Variants in SULF1 observed in about 807,000 individuals in gnomAD.
SULF1 encodes the protein extracellular sulfatase Sulf-1.
Under a neutral mutation model 110.5 loss-of-function variants are expected in SULF1, and 46 were observed. The observed-to-expected ratio is 0.42, with a 90% CI of 0.33 to 0.53. The LOEUF is 0.53. SULF1 is among the 20% of genes least tolerant of loss of function. The probability of loss-of-function intolerance (pLI) is 0.12; values close to 1 mark genes in which losing one functional copy is unlikely to be tolerated. For missense variants in SULF1, 941 were observed against 1,094.2 expected, an observed-to-expected ratio of 0.86 and a Z score of 1.98; for synonymous variants, 371 against 387.1, an observed-to-expected ratio of 0.96 and a Z score of 0.49.
chr8:69,554,812 T>C (rs1586387169), intron 3 of SULF1, among the ~76,000 whole-genome samples: 1 of 151,872 alleles, frequency 6.6e-6, no homozygotes, highest in Middle Eastern at 3.4e-3. Context: ...ACCCCGTCTT[T>C]ACTGAAAATA....
chr8:69,484,886 C>T (rs1288795606), intron 1 of SULF1, among the ~76,000 whole-genome samples: 6 of 146,644 alleles, frequency 4.1e-5, no homozygotes, highest in South Asian at 2.1e-4. Context: ...TCCTCCTCTT[C>T]GAGACAGGAG....
intron 13 of SULF1, among the ~76,000 whole-genome samples, chr8:69,613,976 T>C (rs983660699): frequency 5.9e-5 from 9 of 151,740 alleles, no homozygotes; most frequent in African/African-American, 2.2e-4. Flanking sequence ...AAAAAAATAA[T>C]AAAATTAAGG....
At chr8:69,507,257 A>T (rs553351377) in intron 3 of SULF1, among the ~76,000 whole-genome samples, 1 of 152,366 alleles carries the variant, frequency 6.6e-6, no homozygotes, top group Non-Finnish European at 1.5e-5. Flanking sequence ...TACTGAAATT[A>T]ACATGGAATA....
chr8:69,648,136 T>C (rs1487339695), intron 22 of SULF1, among the ~76,000 whole-genome samples: 2 of 141,220 alleles, frequency 1.4e-5, no homozygotes, highest in Non-Finnish European at 1.5e-5. Flanking sequence ...CCCTGTGCCT[T>C]CAGAAAAAAA....
chr8:69,575,795 A>C (rs1805568710), intron 5 of SULF1, among the ~76,000 whole-genome samples, 175 bp from the exon 6 acceptor site: 1 of 152,160 alleles, frequency 6.6e-6, no homozygotes. Flanking sequence ...TTGAGATGGT[A>C]GGATCTCAAA....
chr8:69,564,935 C>T (rs1013994243), intron 5 of SULF1, among the ~76,000 whole-genome samples: 1 of 152,236 alleles, frequency 6.6e-6, no homozygotes, highest in African/African-American at 2.4e-5. Flanking sequence ...ATTCCTTGCT[C>T]TCAGGCATCA....
intron 1 of SULF1, among the ~76,000 whole-genome samples, chr8:69,485,170 T>C (rs2150547080): frequency 6.6e-6 from 1 of 152,294 alleles, no homozygotes; most frequent in Non-Finnish European, 1.5e-5. Flanking sequence ...TTCTTCCCAC[T>C]CCAAAATTTC....
intron 19 of SULF1, among the ~76,000 whole-genome samples, chr8:69,636,624 T>C (rs1357592335): frequency 6.6e-6 from 1 of 152,202 alleles, no homozygotes; most frequent in Non-Finnish European, 1.5e-5. Flanking sequence ...GTGTTTTCCC[T>C]ACAGAAAGTT....
At chr8:69,552,947 A>T (rs181417565) in intron 3 of SULF1, among the ~76,000 whole-genome samples, 2 of 152,340 alleles carry the variant, frequency 1.3e-5, no homozygotes, top group East Asian at 3.9e-4. Context: ...CCTAAACTAA[A>T]CAGGTGGCCT....
Position 69,621,142 on chromosome 8 carries a change from C to T in SULF1, c.1485C>T (p.Arg495=), listed in dbSNP as rs534411781. 17 of 1,614,130 alleles carry T rather than the reference C, an allele frequency of 1.1e-5. No homozygotes were observed. The highest frequency in any genetic ancestry group is 2.7e-5 in the African/African-American group (2 of 75,038). Residue 495 remains arginine, a synonymous_variant, in exon 14 of 23, where the codon CGC becomes CGT. Coordinates refer to ENST00000402687, the MANE Select transcript of SULF1 (RefSeq NM_001128205.2). ...AGAGCACGCGGAACCTCTACGCTCG[C>T]GGCTTCCATGACAAAGACAAAGAGT... ...VRQSTRNLYA[R]GFHDKDKECS...
intron 22 of SULF1, among the ~76,000 whole-genome samples, chr8:69,647,546 C>A (rs1167156508): frequency 6.6e-6 from 1 of 152,100 alleles, no homozygotes; most frequent in Non-Finnish European, 1.5e-5. Context: ...GGTTGCTCTG[C>A]CTGTGGAGTA....
chr8:69,562,045 T>C (rs1007649496), intron 3 of SULF1, among the ~76,000 whole-genome samples: 1 of 152,236 alleles, frequency 6.6e-6, no homozygotes, highest in African/African-American at 2.4e-5. Flanking sequence ...GCGTTATCAA[T>C]TGGAGCTGTC....
intron 7 of SULF1, among the ~76,000 whole-genome samples, chr8:69,587,528 GA>G (rs1219213638): frequency 1.3e-5 from 2 of 152,194 alleles, no homozygotes; most frequent in Non-Finnish European, 2.9e-5. Context: ...CCAAACTCAT[GA>G]AAGTTAAAAG....
intron 2 of SULF1, among the ~76,000 whole-genome samples, chr8:69,497,237 A>C (rs1810429448): frequency 6.8e-6 from 1 of 146,440 alleles, no homozygotes; most frequent in Admixed American, 7.0e-5. Flanking sequence ...AGCTCATTGC[A>C]ACCTCTGTCT....
intron 3 of SULF1, among the ~76,000 whole-genome samples, chr8:69,548,210 G>A (rs1226878311): frequency 2.6e-5 from 4 of 152,138 alleles, no homozygotes; most frequent in African/African-American, 4.8e-5. Flanking sequence ...ATTATAGAAG[G>A]GAGAAGGTGG....
chr8:69,473,983 GTA>G (rs1809198383), intron 1 of SULF1, among the ~76,000 whole-genome samples: 1 of 152,126 alleles, frequency 6.6e-6, no homozygotes, highest in African/African-American at 2.4e-5. Context: ...AAATCTCCTT[GTA>G]TTCCTTTGAT....
chr8:69,586,522 A>G lies in SULF1; in HGVS notation c.564+14A>G, dbSNP rs756782775. ...GATTATGCAAAGGTAATTTTCAGGC[A>G]CTTTTACACTGCATCAATTTACTTT... On this transcript the variant is annotated intron_variant, in intron 7 of 22. Coordinates refer to ENST00000402687, the MANE Select transcript of SULF1 (RefSeq NM_001128205.2). The G allele has an allele frequency of 1.2e-6, 2 of 1,604,772 alleles. No individual in the cohort carries two copies. Among genetic ancestry groups the G allele is most frequent in the Non-Finnish European group, 1.7e-6 (2 of 1,178,536 alleles).
chr8:69,505,641 T>G (rs912035934), intron 3 of SULF1, among the ~76,000 whole-genome samples: 6 of 152,118 alleles, frequency 3.9e-5, no homozygotes, highest in African/African-American at 1.2e-4. Flanking sequence ...GGAATCAATA[T>G]CAGATGTGGA....
chr8:69,516,325 G>A (rs1478354622), intron 3 of SULF1, among the ~76,000 whole-genome samples: 2 of 152,082 alleles, frequency 1.3e-5, no homozygotes, highest in Admixed American at 1.3e-4. Flanking sequence ...GGGGAAGCTG[G>A]CATTGTCCTA....
Sources: gnomAD v4.1 joint callset for allele counts (sites outside exome capture counted in the v4.1 genomes callset) on GRCh38, gnomAD v4.1.1 for gene constraint, MANE v1.5 for transcripts, NCBI Gene and HGNC (gene_info 2026-07-23, HGNC 2026-07-21) for gene names.